The following DNAJC3 variants were observed in gnomAD, a reference collection of about 807,000 sequenced individuals.
DNAJC3 encodes the protein DnaJ heat shock protein family (Hsp40) member C3.
In DNAJC3, 38 loss-of-function variants were observed where a neutral mutation model predicts 68.6. The observed-to-expected ratio is 0.55, with a 90% CI of 0.43 to 0.73. DNAJC3 has a LOEUF of 0.73. Ranked by LOEUF, DNAJC3 falls within the 30% of genes least tolerant of loss-of-function variation. The probability of loss-of-function intolerance (pLI) is 0.00; values close to 1 mark genes in which losing one functional copy is unlikely to be tolerated. For missense variants in DNAJC3, 526 were observed against 591.9 expected, an observed-to-expected ratio of 0.89 and a Z score of 1.16; for synonymous variants, 203 against 204.0, an observed-to-expected ratio of 1.00 and a Z score of 0.04.
At chr13:95,740,346 G>T (rs1249656665) in intron 4 of DNAJC3, among the ~76,000 whole-genome samples, 2 of 151,520 alleles carry the variant, frequency 1.3e-5, no homozygotes, top group African/African-American at 4.8e-5. Flanking sequence ...CACCCAGTTG[G>T]AGCTTCCCGG....
Position 95,709,290 on chromosome 13 carries a change from C to G in DNAJC3, c.146C>G (p.Ala49Gly). ...CTTGAATTGGGCAAGAAATTACTTG[C>G]AGCTGGACAGCTAGCTGATGCTTTA... ...KHLELGKKLL[A>G]AGQLADALSQ... The change falls in exon 2 of 12, where the codon GCA (alanine) becomes GGA (glycine). Residue 49 changes from alanine to glycine, a missense_variant. Transcript: ENST00000602402. 10 of 1,588,518 alleles carry G rather than the reference C, an allele frequency of 6.3e-6. No homozygotes were observed. The highest frequency in any genetic ancestry group is 8.6e-6 in the Non-Finnish European group (10 of 1,168,658).
chr13:95,777,588 C>G (rs1883326312), intron 9 of DNAJC3, among the ~76,000 whole-genome samples: 1 of 151,994 alleles, frequency 6.6e-6, no homozygotes, highest in Non-Finnish European at 1.5e-5. Flanking sequence ...TCACAAGAGA[C>G]AAAGTAGGAC....
At chr13:95,696,946 C>T (rs1880457343) in intron 1 of DNAJC3, among the ~76,000 whole-genome samples, 1 of 152,030 alleles carries the variant, frequency 6.6e-6, no homozygotes, top group Non-Finnish European at 1.5e-5. Flanking sequence ...GGGGTTTCAC[C>T]GAGTTAGCCA....
Position 95,760,796 on chromosome 13 carries a change from C to G in DNAJC3, c.846C>G (p.Gly282=). 6.2e-7 allele frequency: 1 copy of G among 1,610,078 alleles called. No homozygotes were observed. The highest frequency in any genetic ancestry group is 8.5e-7 in the Non-Finnish European group (1 of 1,178,084). ...CAGCTGAAGAGCTCATCAGAGATGG[C>G]AGGTGAGAATATGGTTGTTCCAACT... ...IESAEELIRD[G]RYTDATSKYE... is the part of the protein sequence containing the mutation. The change falls in exon 7 of 12, where the codon GGC becomes GGG. Residue 282 remains glycine, a splice_region_variant and synonymous_variant. Transcript: ENST00000602402.
chr13:95,738,964 G>T (rs1442165240), intron 4 of DNAJC3, among the ~76,000 whole-genome samples: 1 of 152,022 alleles, frequency 6.6e-6, no homozygotes, highest in African/African-American at 2.4e-5. Context: ...GCTGGTACTG[G>T]TTGTTCCTTT....
intron 9 of DNAJC3, among the ~76,000 whole-genome samples, chr13:95,773,731 C>CTTTTTTTTT (rs143145399): frequency 5.6e-5 from 4 of 71,336 alleles, no homozygotes; most frequent in Admixed American, 1.9e-4. Context: ...TTTTGTTGGT[C>CTTTTTTTTT]TTTTTTTTTT....
At position 95,725,270 on chromosome 13, in the gene DNAJC3, T is replaced by G; in HGVS notation, c.393+18T>G. ...AAAAAGTGGTAAGTTCAATATGTAT[T>G]TGACTCTAGGAAGATGTTATTTTGA... On this transcript the variant is annotated intron_variant, in intron 4 of 11. Transcript: ENST00000602402. 3 of 1,551,558 alleles carry G rather than the reference T, an allele frequency of 1.9e-6. No individual in the cohort carries two copies. The highest frequency in any genetic ancestry group is 2.6e-6 in the Non-Finnish European group (3 of 1,148,326).
Position 95,677,166 on chromosome 13 carries a change from G to T in DNAJC3, c.-90G>T. On this transcript the variant is annotated 5_prime_UTR_variant, in exon 1 of 12. Transcript: ENST00000602402. ...AGCCACTGAGGCCTGAGCGAGAGCCGACGGCGGGCGGGCGCAGCTGCTGCC... is the reference window on the plus strand; with the variant it reads ...AGCCACTGAGGCCTGAGCGAGAGCCTACGGCGGGCGGGCGCAGCTGCTGCC... 1 of 1,265,516 alleles carries T rather than the reference G, an allele frequency of 7.9e-7. No homozygotes were observed. The highest frequency in any genetic ancestry group is 1.1e-6 in the Non-Finnish European group (1 of 916,024). 78.4% of individuals were successfully genotyped at this position (1,265,516 alleles called of 1,614,324 possible).
At chr13:95,741,790 T>A (rs1175594416) in intron 4 of DNAJC3, among the ~76,000 whole-genome samples, 5 of 152,156 alleles carry the variant, frequency 3.3e-5, no homozygotes, top group Non-Finnish European at 7.4e-5. Flanking sequence ...CTGGGTGGGC[T>A]CACCCTCAGG....
intron 9 of DNAJC3, among the ~76,000 whole-genome samples, chr13:95,773,890 C>T (rs775402663): frequency 6.6e-6 from 1 of 151,972 alleles, no homozygotes; most frequent in Non-Finnish European, 1.5e-5. Context: ...GTGTGCACCA[C>T]CACACCCAGC....
chr13:95,748,104 A>G (rs1003232948), intron 4 of DNAJC3, among the ~76,000 whole-genome samples: 6 of 152,178 alleles, frequency 3.9e-5, no homozygotes, highest in African/African-American at 1.4e-4. Context: ...TGTTTACTAT[A>G]TCTTTGCTAT....
Position 95,735,971 on chromosome 13 carries a change from T to A in DNAJC3, c.393+10719T>A, listed in dbSNP as rs1188626871. The stretch of plus-strand genomic sequence containing the variant: ...AGGTTTTAGGTCTAACGTTTAAGTC[T>A]TTAATCCATCTTGAATTGATTTTTG... On this transcript the variant is annotated intron_variant, in intron 4 of 11. Transcript: ENST00000602402. Among the ~76,000 whole-genome samples, 4 of 152,352 alleles carry A rather than the reference T, an allele frequency of 2.6e-5. No homozygotes were observed. The East Asian group carries it at 5.8e-4, about 22-fold the overall frequency.
At chr13:95,699,611 TC>T (rs1161605742) in intron 1 of DNAJC3, among the ~76,000 whole-genome samples, 2 of 152,186 alleles carry the variant, frequency 1.3e-5, no homozygotes, top group African/African-American at 4.8e-5. Flanking sequence ...AGAAAACTGG[TC>T]TTTGGAAATG....
At chr13:95,767,694 T>G (rs929696779) in intron 9 of DNAJC3, among the ~76,000 whole-genome samples, 1 of 150,068 alleles carries the variant, frequency 6.7e-6, no homozygotes, top group African/African-American at 2.5e-5. Context: ...TTTTTGGGTT[T>G]TTTTTTTTTT....
At chr13:95,701,905 C>T (rs766080764) in intron 1 of DNAJC3, among the ~76,000 whole-genome samples, 3 of 152,138 alleles carry the variant, frequency 2.0e-5, no homozygotes, top group Non-Finnish European at 2.9e-5. Context: ...TTAAACATAT[C>T]GCAAAGTTGA....
intron 9 of DNAJC3, among the ~76,000 whole-genome samples, chr13:95,782,956 T>G (rs1051164654): frequency 1.3e-5 from 2 of 152,214 alleles, no homozygotes; most frequent in Non-Finnish European, 2.9e-5. Context: ...TGTCTTACGT[T>G]TAAGTCTTTA....
intron 2 of DNAJC3, among the ~76,000 whole-genome samples, chr13:95,722,433 T>C (rs1881351425): frequency 6.6e-6 from 1 of 152,044 alleles, no homozygotes; most frequent in Non-Finnish European, 1.5e-5. Flanking sequence ...GTATTTCACT[T>C]AGGAGAATCT....
At position 95,761,105 on chromosome 13, in the gene DNAJC3, TAAG is replaced by T. The variant is rs1196233554; in HGVS notation, c.848+311_848+313del. Among the ~76,000 whole-genome samples the T allele has an allele frequency of 3.9e-5, 6 of 152,334 alleles. No homozygotes were observed. In the East Asian group the frequency reaches 9.6e-4, roughly 24 times the overall value. On this transcript the variant is annotated intron_variant, in intron 7 of 11. Coordinates refer to ENST00000602402, the MANE Select transcript of DNAJC3 (RefSeq NM_006260.5). The stretch of plus-strand genomic sequence containing the variant: ...TAAACTTGACAATAGTTTTTGTTCT[TAAG>T]AAGTTTATAGCATTGCGTGGGAGAC...
intron 9 of DNAJC3, among the ~76,000 whole-genome samples, chr13:95,770,864 A>G (rs1444136168): frequency 6.6e-6 from 1 of 152,218 alleles, no homozygotes; most frequent in Non-Finnish European, 1.5e-5. Flanking sequence ...AAGGATGAAT[A>G]TGCATAAAAC....
Sources: allele counts gnomAD v4.1 joint callset (sites outside exome capture counted in the v4.1 genomes callset), GRCh38; gene constraint gnomAD v4.1.1; transcripts MANE v1.5; gene names NCBI Gene and HGNC (gene_info 2026-07-23, HGNC 2026-07-21).